Variants in PACRG observed in about 807,000 individuals in gnomAD.
PACRG encodes parkin coregulated.
In PACRG, 29 loss-of-function variants were observed where a neutral mutation model predicts 29.7. The ratio of observed to expected loss-of-function variants is 0.98; its 90% CI spans 0.73 to 1.33. PACRG has a LOEUF of 1.33. PACRG is among the 40% of genes most tolerant of loss of function. PACRG has a pLI of 0.00. For synonymous variants in PACRG, 116 were observed against 118.7 expected, an observed-to-expected ratio of 0.98 and a Z score of 0.15; for missense variants, 279 against 316.2, an observed-to-expected ratio of 0.88 and a Z score of 0.89.
At chr6:162,940,418 T>G (rs1419983497) in intron 2 of PACRG, among the ~76,000 whole-genome samples, 1 of 152,034 alleles carries the variant, frequency 6.6e-6, no homozygotes, top group East Asian at 1.9e-4. Flanking sequence ...TGCCCATTTC[T>G]CCTATCTCTC....
chr6:163,136,301 C>T lies in PACRG; in HGVS notation c.613+46893C>T, dbSNP rs547894060. 3.3e-5 allele frequency among the ~76,000 whole-genome samples: 5 copies of T among 152,274 alleles called. No individual in the cohort carries two copies. The South Asian group carries it at 1.0e-3, about 32-fold the overall frequency. On this transcript the variant is annotated intron_variant, in intron 4 of 4. Transcript: ENST00000366888. ...TGTTTTCTGCTTTTCTTGTTTTACC[C>T]ACTGCAGGTATACAGTCCCTCCATC... is the stretch of plus-strand genomic sequence containing the variant.
At chr6:163,079,008 G>A (rs955172945) in intron 3 of PACRG, among the ~76,000 whole-genome samples, 6 of 151,936 alleles carry the variant, frequency 3.9e-5, no homozygotes, top group African/African-American at 1.5e-4. Flanking sequence ...CATGCTGAGT[G>A]CAGACCGGAT....
At chr6:162,798,516 C>T (rs1189007044) in intron 1 of PACRG, among the ~76,000 whole-genome samples, 1 of 152,138 alleles carries the variant, frequency 6.6e-6, no homozygotes, top group Non-Finnish European at 1.5e-5. Flanking sequence ...CCTAATTTTA[C>T]AGCAAGTGAG....
intron 1 of PACRG, among the ~76,000 whole-genome samples, chr6:162,800,997 T>A (rs1785808511): frequency 6.6e-6 from 1 of 152,218 alleles, no homozygotes; most frequent in South Asian, 2.1e-4. Context: ...TCTTCTGAAC[T>A]GCCTGCGTCT....
intron 2 of PACRG, among the ~76,000 whole-genome samples, chr6:162,876,625 A>G (rs1485542523): frequency 1.3e-5 from 2 of 152,090 alleles, no homozygotes; most frequent in Non-Finnish European, 2.9e-5. Flanking sequence ...TGTCAGATGG[A>G]TAGATTGCAA....
intron 4 of PACRG, among the ~76,000 whole-genome samples, chr6:163,273,590 C>A (rs1046384158): frequency 2.0e-5 from 3 of 151,990 alleles, no homozygotes; most frequent in African/African-American, 7.2e-5. Flanking sequence ...TCAATTTATC[C>A]AAATTTCAAA....
At chr6:163,039,960 T>C (rs574210947) in intron 2 of PACRG, among the ~76,000 whole-genome samples, 12 of 152,328 alleles carry the variant, frequency 7.9e-5, no homozygotes, top group African/African-American at 2.9e-4. Context: ...AGTAATGAGA[T>C]GCCAAATGTT....
chr6:162,852,531 T>C (rs933883462), intron 2 of PACRG, among the ~76,000 whole-genome samples: 2 of 152,210 alleles, frequency 1.3e-5, no homozygotes, highest in African/African-American at 4.8e-5. Context: ...ATGAAAAACA[T>C]AGATGTATTA....
At chr6:163,067,584 C>A (rs1266091341) in intron 3 of PACRG, among the ~76,000 whole-genome samples, 1 of 152,028 alleles carries the variant, frequency 6.6e-6, no homozygotes, top group Non-Finnish European at 1.5e-5. Context: ...GCCAAGGTAA[C>A]TTGTAAAAAA....
intron 4 of PACRG, among the ~76,000 whole-genome samples, chr6:163,186,990 C>T (rs1779969860): frequency 6.6e-6 from 1 of 152,244 alleles, no homozygotes; most frequent in Non-Finnish European, 1.5e-5. Context: ...TTCACGGGCT[C>T]TGTCTCCTCT....
At chr6:163,056,089 C>A (rs1344134862) in intron 2 of PACRG, among the ~76,000 whole-genome samples, 3 of 152,162 alleles carry the variant, frequency 2.0e-5, no homozygotes, top group Non-Finnish European at 4.4e-5. Flanking sequence ...AGCATGGCCA[C>A]AATGAAGACT....
At chr6:163,186,654 G>T (rs543299608) in intron 4 of PACRG, among the ~76,000 whole-genome samples, 11 of 152,226 alleles carry the variant, frequency 7.2e-5, no homozygotes, top group African/African-American at 1.9e-4. Context: ...GAGCCGTCGC[G>T]TGCAGGTGTG....
At chr6:163,219,103 C>A (rs909789483) in intron 4 of PACRG, among the ~76,000 whole-genome samples, 1 of 152,160 alleles carries the variant, frequency 6.6e-6, no homozygotes, top group African/African-American at 2.4e-5. Context: ...TCTAACCACC[C>A]CTCTAATTTG....
chr6:162,807,956 A>T (rs539774515), intron 1 of PACRG, among the ~76,000 whole-genome samples: 10 of 152,210 alleles, frequency 6.6e-5, no homozygotes, highest in Non-Finnish European at 1.3e-4. Flanking sequence ...TTAAATTGTT[A>T]TATTGTTATA....
chr6:163,017,140 G>C (rs935712230), intron 2 of PACRG, among the ~76,000 whole-genome samples: 1 of 152,052 alleles, frequency 6.6e-6, no homozygotes. Flanking sequence ...TGAATAAACT[G>C]TAAAATAAGA....
chr6:162,968,089 G>A (rs1801200984), intron 2 of PACRG, among the ~76,000 whole-genome samples: 1 of 152,114 alleles, frequency 6.6e-6, no homozygotes, highest in African/African-American at 2.4e-5. Context: ...CTGCCAAGCT[G>A]TATTCCAGAC....
intron 2 of PACRG, chr6:162,997,494 T>G (rs1804176430): frequency 4.5e-6 from 2 of 447,284 alleles, no homozygotes; most frequent in Admixed American, 2.5e-5. Context: ...GAATCATGTC[T>G]TCCAATGAAT....
intron 1 of PACRG, among the ~76,000 whole-genome samples, chr6:162,793,770 A>T (rs1328608753): frequency 1.3e-5 from 2 of 152,182 alleles, no homozygotes; most frequent in African/African-American, 4.8e-5. Flanking sequence ...TCTTCCTAGA[A>T]ATTTATTTTA....
At chr6:163,100,966 C>T in intron 4 of PACRG, 1 of 984,726 alleles carries the variant, frequency 1.0e-6, no homozygotes, top group Non-Finnish European at 1.2e-6. Context: ...GTAATTATGA[C>T]CAAGTTCTGT....
Sources: allele counts gnomAD v4.1 joint callset (sites outside exome capture counted in the v4.1 genomes callset), GRCh38; gene constraint gnomAD v4.1.1; transcripts MANE v1.5; gene names NCBI Gene and HGNC (gene_info 2026-07-23, HGNC 2026-07-21).